USP25: variants seen among roughly 807,000 people sequenced by gnomAD.
The protein encoded by USP25 is ubiquitin carboxyl-terminal hydrolase 25.
In USP25, 85 loss-of-function variants were observed where a neutral mutation model predicts 158.5. That is an observed-to-expected ratio of 0.54 (90% CI 0.45 to 0.64). USP25 has a LOEUF of 0.64. USP25 is among the 30% of genes least tolerant of loss of function. The pLI, the probability that USP25 is intolerant of heterozygous loss-of-function variation, is 0.00. For synonymous variants in USP25, 464 were observed against 460.4 expected (o/e 1.01, Z -0.10); for missense variants, 1,242 against 1,327.3 (o/e 0.94, Z 1.00).
rs1358023478 is a variant in USP25, at chr21:15,826,903, G to T, written c.1467-74G>T. 1.3e-6 allele frequency: 2 copies of T among 1,483,398 alleles called. No homozygotes were observed. Among genetic ancestry groups the T allele is most frequent in the East Asian group, 4.5e-5 (2 of 44,042 alleles). The allele number at this position is 1,483,398 out of a possible 1,614,324, so 91.9% of individuals were successfully genotyped here. A position where few individuals can be genotyped will look rare whatever the true frequency, so the allele number is the denominator to read the frequency against. On this transcript the variant is annotated intron_variant, in intron 13 of 25. Transcript: ENST00000400183. The surrounding 1 kb of genome is among the most constrained non-coding windows in gnomAD (Gnocchi z 4.8). Reference sequence around the variant, plus strand: ...TTGAATTACAAGCCAATTTAATACTGTGGGTTTGGCACGATCTTTGTCAAG... The same window carrying T: ...TTGAATTACAAGCCAATTTAATACTTTGGGTTTGGCACGATCTTTGTCAAG...
At position 15,879,634 on chromosome 21, in the gene USP25, TAAC is replaced by T. The variant is rs1008773932; in HGVS notation, c.*1163_*1165del. On this transcript the variant is annotated 3_prime_UTR_variant, in exon 26 of 26. Transcript: ENST00000400183. Reference sequence around the variant, plus strand: ...CATACTTTAAAGGTAATCATGTTACTAACAACCTATTTTTGAATTCATAAAAAT... The same window carrying T: ...CATACTTTAAAGGTAATCATGTTACTAACCTATTTTTGAATTCATAAAAAT... 3.3e-5 allele frequency: 5 copies of T among 152,606 alleles called. No individual in the cohort carries two copies. Among genetic ancestry groups the T allele is most frequent in the African/African-American group, 1.2e-4 (5 of 41,474 alleles). 9.5% of individuals were successfully genotyped at this position (152,606 alleles called of 1,614,324 possible). A position where few individuals can be genotyped will look rare whatever the true frequency, so the allele number is the denominator to read the frequency against.
At chr21:15,809,665 A>T (rs1037831524) in intron 8 of USP25, among the ~76,000 whole-genome samples, 23 of 152,334 alleles carry the variant, frequency 1.5e-4, no homozygotes, top group Non-Finnish European at 3.2e-4. Context: ...ATCCAAAAGA[A>T]TTGAAAGCAG....
At chr21:15,764,582 G>A (rs1389966210) in intron 2 of USP25, among the ~76,000 whole-genome samples, 2 of 151,968 alleles carry the variant, frequency 1.3e-5, no homozygotes, top group African/African-American at 2.4e-5. Context: ...GCTCTAAAAA[G>A]TAAATGAACT....
At chr21:15,866,461 TAA>T in intron 22 of USP25, 117 bp downstream of exon 22, 3 of 651,160 alleles carry the variant, frequency 4.6e-6, no homozygotes, top group Non-Finnish European at 7.0e-6. Flanking sequence ...GTAAAAAAAT[TAA>T]GTTTCCAAGT....
At chr21:15,735,817 A>G (rs573264297) in intron 1 of USP25, among the ~76,000 whole-genome samples, 1 of 152,260 alleles carries the variant, frequency 6.6e-6, no homozygotes, top group African/African-American at 2.4e-5. Flanking sequence ...ATTTAGAGCA[A>G]ATTTTAGGTA....
At position 15,766,057 on chromosome 21, in the gene USP25, C is replaced by T; in HGVS notation, c.184C>T (p.Pro62Ser). 5.6e-6 allele frequency: 9 copies of T among 1,610,546 alleles called. No homozygotes were observed. The highest frequency in any genetic ancestry group is 7.6e-6 in the Non-Finnish European group (9 of 1,178,082). The change falls in exon 3 of 26, where the codon CCT becomes TCT. Residue 62 changes from proline to serine, a missense_variant. Around this residue, in one of 3 missense-constraint regions of USP25, gnomAD observed 627 missense variants for 701.4 expected, o/e 0.89. Coordinates refer to ENST00000400183, the MANE Select transcript of USP25 (RefSeq NM_001283041.3). This position sits in a 1 kb window ranked among gnomAD's most constrained non-coding sequence, Gnocchi z 4.0. ...AFLTAKNAKT[P>S]QQEETTYYQT... ...CCTTACTGCGAAGAATGCTAAGACC[C>T]CTCAGCAGGAGGAGACAACTTACTA...
chr21:15,879,643 A>G lies in USP25; in HGVS notation c.*1168A>G, dbSNP rs771971091. On this transcript the variant is annotated 3_prime_UTR_variant, in exon 26 of 26. Coordinates refer to ENST00000400183, the MANE Select transcript of USP25 (RefSeq NM_001283041.3). ...AAGGTAATCATGTTACTAACAACCT[A>G]TTTTTGAATTCATAAAAATTTCTTT... 1 of 152,574 alleles carries G rather than the reference A, an allele frequency of 6.6e-6. No homozygotes were observed. Among genetic ancestry groups the G allele is most frequent in the African/African-American group, 2.4e-5 (1 of 41,460 alleles). 9.5% of individuals were successfully genotyped at this position (152,574 alleles called of 1,614,324 possible). A position where few individuals can be genotyped will look rare whatever the true frequency, so the allele number is the denominator to read the frequency against.
At chr21:15,878,152 C>A in intron 25 of USP25, 151 bp from the exon 26 acceptor site, 3 of 1,088,138 alleles carry the variant, frequency 2.8e-6, no homozygotes, top group Non-Finnish European at 2.6e-6. Flanking sequence ...ATGAACTAAG[C>A]TGTGTGCATT....
In USP25 at chr21:15,746,359, C is replaced by T. The variant is rs182999872; in HGVS notation, c.45+15921C>T. ...CATTTATTTAGGTTTTGTTTTTTAACGGTTTAAAGGTCTTTGCATATCTTT... is the reference window on the plus strand; with the variant it reads ...CATTTATTTAGGTTTTGTTTTTTAATGGTTTAAAGGTCTTTGCATATCTTT... On this transcript the variant is annotated intron_variant, in intron 1 of 25. Coordinates refer to ENST00000400183, the MANE Select transcript of USP25 (RefSeq NM_001283041.3). Among the ~76,000 whole-genome samples, 209 of 152,140 alleles carry T rather than the reference C, an allele frequency of 1.4e-3. 4 individuals are homozygous for T. The highest frequency in any genetic ancestry group is 9.8e-3 in the Admixed American group (149 of 15,276).
At chr21:15,751,423 G>T (rs989020566) in intron 1 of USP25, among the ~76,000 whole-genome samples, 2 of 152,200 alleles carry the variant, frequency 1.3e-5, no homozygotes, top group Non-Finnish European at 2.9e-5. Flanking sequence ...TCCAGTTTCA[G>T]AGTTCTACTT....
intron 20 of USP25, among the ~76,000 whole-genome samples, chr21:15,856,664 G>A (rs962529963): frequency 6.6e-6 from 1 of 152,014 alleles, no homozygotes; most frequent in Non-Finnish European, 1.5e-5. Flanking sequence ...GTAGAGACAG[G>A]GTTTCACCGT....
rs2040190034 is a variant in USP25 at position 15,878,566 on chromosome 21, G to A, written c.*91G>A. 1.4e-6 allele frequency: 2 copies of A among 1,381,688 alleles called. No individual in the cohort carries two copies. Among genetic ancestry groups the A allele is most frequent in the Non-Finnish European group, 1.9e-6 (2 of 1,041,134 alleles). 85.6% of individuals were successfully genotyped at this position (1,381,688 alleles called of 1,614,324 possible). A position where few individuals can be genotyped will look rare whatever the true frequency, so the allele number is the denominator to read the frequency against. On this transcript the variant is annotated 3_prime_UTR_variant, in exon 26 of 26. Coordinates refer to ENST00000400183, the MANE Select transcript of USP25 (RefSeq NM_001283041.3). Reference sequence around the variant, plus strand: ...ACAGGGTTTGCTTGTTGCTGCTATAGTTTTTAACTTTTTTTTATTTTAATA... The same window carrying A: ...ACAGGGTTTGCTTGTTGCTGCTATAATTTTTAACTTTTTTTTATTTTAATA...
chr21:15,858,399 TTTTG>T (rs2039262360), intron 20 of USP25, among the ~76,000 whole-genome samples: 3 of 152,136 alleles, frequency 2.0e-5, no homozygotes, highest in African/African-American at 7.2e-5. Flanking sequence ...TCTTATGTCC[TTTTG>T]TTTAATTTAT....
intron 22 of USP25, among the ~76,000 whole-genome samples, chr21:15,868,733 T>G (rs2039761908): frequency 6.6e-6 from 1 of 152,132 alleles, no homozygotes; most frequent in Admixed American, 6.6e-5. Flanking sequence ...GTTACAGAGT[T>G]GAGTAACTGA....
intron 10 of USP25, among the ~76,000 whole-genome samples, chr21:15,821,209 C>T (rs1444136065): frequency 2.6e-5 from 4 of 151,760 alleles, no homozygotes; most frequent in African/African-American, 7.3e-5. Flanking sequence ...CACACTGCCC[C>T]GAAAGTTGCA....
chr21:15,873,725 T>A (rs891123662), intron 23 of USP25, among the ~76,000 whole-genome samples: 1 of 152,066 alleles, frequency 6.6e-6, no homozygotes, highest in Non-Finnish European at 1.5e-5. Flanking sequence ...ACTCCCTACG[T>A]CAGGTGGTCC....
rs1316233179 is a variant in USP25, at chr21:15,864,363, T to C, written c.2643T>C (p.Phe881=). 4 of 1,613,500 alleles carry C rather than the reference T, an allele frequency of 2.5e-6. No homozygotes were observed. Among genetic ancestry groups the C allele is most frequent in the African/African-American group, 1.3e-5 (1 of 75,024 alleles). ...DYRLHHVVVY[F]IQNQAPKKII... is the part of the protein sequence containing the mutation. ...GTTTACATCATGTAGTGGTCTACTT[T>C]ATCCAGAACCAGGCACCAAAGAAAA... Residue 881 remains phenylalanine (F), a synonymous_variant, in exon 21 of 26, where the codon TTT becomes TTC. Coordinates refer to ENST00000400183, the MANE Select transcript of USP25 (RefSeq NM_001283041.3).
chr21:15,751,213 A>G (rs1289628106), intron 1 of USP25, among the ~76,000 whole-genome samples: 1 of 152,202 alleles, frequency 6.6e-6, no homozygotes, highest in Non-Finnish European at 1.5e-5. Context: ...ATGGCAGAGC[A>G]GTTTATAGAA....
At chr21:15,835,918 G>A (rs1354212506) in intron 17 of USP25, among the ~76,000 whole-genome samples, 1 of 152,164 alleles carries the variant, frequency 6.6e-6, no homozygotes, top group Non-Finnish European at 1.5e-5. Flanking sequence ...TTGCAGGATA[G>A]TTTCACATAT....
Sources: gnomAD v4.1 joint callset for allele counts (sites outside exome capture counted in the v4.1 genomes callset) on GRCh38, gnomAD v4.1.1 for gene constraint, gnomAD v4.1.1 regional missense constraint, Gnocchi (gnomAD v3.1) non-coding constraint, MANE v1.5 for transcripts, NCBI Gene and HGNC (gene_info 2026-07-23, HGNC 2026-07-21) for gene names.